SCAPER: variants seen among roughly 807,000 people sequenced by gnomAD.
SCAPER encodes S-phase cyclin A associated protein in the ER.
Under a neutral mutation model 182.2 loss-of-function variants are expected in SCAPER, and 98 were observed. The ratio of observed to expected loss-of-function variants is 0.54; its 90% CI spans 0.46 to 0.64. SCAPER has a LOEUF of 0.64. SCAPER is among the 30% of genes least tolerant of loss of function. The pLI is 0.00. For synonymous variants in SCAPER, 605 were observed against 564.6 expected, an observed-to-expected ratio of 1.07 and a Z score of -1.01; for missense variants, 1,432 against 1,690.0, an observed-to-expected ratio of 0.85 and a Z score of 2.68.
chr15:76,879,696 T>G (rs920903211), intron 2 of SCAPER, among the ~76,000 whole-genome samples: 1 of 152,210 alleles, frequency 6.6e-6, no homozygotes, highest in Admixed American at 6.5e-5. Flanking sequence ...GAAAGCATTC[T>G]AAGAGAGTAT....
intron 20 of SCAPER, among the ~76,000 whole-genome samples, chr15:76,671,348 T>C (rs2057001046): frequency 6.6e-6 from 1 of 151,936 alleles, no homozygotes; most frequent in African/African-American, 2.4e-5. Context: ...TCTGAGAAGA[T>C]GGTGGCAGTG....
chr15:76,774,769 A>T, intron 9 of SCAPER, 86 bp downstream of exon 9: 2 of 1,393,274 alleles, frequency 1.4e-6, no homozygotes, highest in South Asian at 3.1e-5. Context: ...AAGTTAAAAA[A>T]TGAAGTACAA....
chr15:76,651,139 A>C (rs1191898553), intron 21 of SCAPER, among the ~76,000 whole-genome samples: 1 of 152,138 alleles, frequency 6.6e-6, no homozygotes, highest in Non-Finnish European at 1.5e-5. Flanking sequence ...AAGTAAATAC[A>C]AGTAAAAAAT....
chr15:76,816,560 G>A (rs2151617605), intron 5 of SCAPER, among the ~76,000 whole-genome samples: 1 of 152,148 alleles, frequency 6.6e-6, no homozygotes. Context: ...ACCTGCCAAA[G>A]GCTGTTTTAC....
chr15:76,611,286 C>T (rs956873836), intron 22 of SCAPER, among the ~76,000 whole-genome samples: 19 of 151,710 alleles, frequency 1.3e-4, no homozygotes, highest in African/African-American at 4.6e-4. Context: ...ATGTAAGACT[C>T]GAAACTATAA....
At chr15:76,404,708 C>T (rs773780279) in intron 26 of SCAPER, 29 bp from the exon 27 acceptor site, 1 of 1,601,196 alleles carries the variant, frequency 6.2e-7, no homozygotes, top group South Asian at 1.1e-5. Flanking sequence ...TGCATGTTAT[C>T]AATCTGAATA....
intron 26 of SCAPER, among the ~76,000 whole-genome samples, chr15:76,409,256 G>T (rs1285296741): frequency 6.6e-6 from 1 of 152,160 alleles, no homozygotes; most frequent in Non-Finnish European, 1.5e-5. Flanking sequence ...CTTTTGCATT[G>T]TAACTGTTAG....
intron 4 of SCAPER, among the ~76,000 whole-genome samples, chr15:76,853,894 T>C (rs907217388): frequency 6.6e-6 from 1 of 152,218 alleles, no homozygotes; most frequent in African/African-American, 2.4e-5. Flanking sequence ...TGCAGATGAC[T>C]TGATTCTATG....
At position 76,592,779 on chromosome 15, in the gene SCAPER, G is replaced by A. The variant is rs1217031374; in HGVS notation, c.2712-18495C>T. Among the ~76,000 whole-genome samples the A allele has an allele frequency of 2.5e-5, 3 of 121,870 alleles. 1 individual carries two copies. Among genetic ancestry groups the A allele is most frequent in the Non-Finnish European group, 6.0e-5 (3 of 49,962 alleles). 80.0% of individuals were successfully genotyped at this position (121,870 alleles called of 152,430 possible). A position where few individuals can be genotyped will look rare whatever the true frequency, so the allele number is the denominator to read the frequency against. On this transcript the variant is annotated intron_variant, in intron 22 of 31. Coordinates refer to ENST00000563290, the MANE Select transcript of SCAPER (RefSeq NM_020843.4). ...GAGGGACTGTGCCTTGAGGAATGGT[G>A]CACTCCAGCCCAGATACTATGCTTT...
At chr15:76,727,319 A>C (rs553528005) in intron 17 of SCAPER, among the ~76,000 whole-genome samples, 1 of 152,210 alleles carries the variant, frequency 6.6e-6, no homozygotes, top group African/African-American at 2.4e-5. Context: ...AGTCCTAATA[A>C]AAAATAAGGT....
At chr15:76,433,052 C>G (rs2046969585) in intron 26 of SCAPER, among the ~76,000 whole-genome samples, 1 of 152,200 alleles carries the variant, frequency 6.6e-6, no homozygotes, top group African/African-American at 2.4e-5. Flanking sequence ...AATGGGTACT[C>G]TATAAATGGT....
intron 18 of SCAPER, among the ~76,000 whole-genome samples, chr15:76,705,199 T>C (rs529888772): frequency 1.3e-5 from 2 of 150,372 alleles, no homozygotes; most frequent in African/African-American, 2.5e-5. Context: ...ATATATACCA[T>C]GGAATGCTAT....
intron 22 of SCAPER, among the ~76,000 whole-genome samples, chr15:76,587,649 A>C (rs1022516341): frequency 3.9e-5 from 6 of 152,196 alleles, no homozygotes; most frequent in Non-Finnish European, 7.3e-5. Flanking sequence ...GACAGAGTAC[A>C]TGATATAATT....
chr15:76,498,089 C>A (rs573791223), intron 24 of SCAPER, among the ~76,000 whole-genome samples: 63 of 149,486 alleles, frequency 4.2e-4, no homozygotes, highest in Middle Eastern at 3.5e-3. Context: ...CAAGACATTC[C>A]TTTAATGAAG....
chr15:76,783,751 T>C lies in SCAPER; in HGVS notation c.773-8634A>G, dbSNP rs919170378. Among the ~76,000 whole-genome samples the C allele has an allele frequency of 3.9e-5, 6 of 152,118 alleles. No homozygotes were observed. The South Asian group carries it at 1.2e-3, about 32-fold the overall frequency. ...TTCAACATACACAAATCAATAAATGTAATCCATTATATAAACAGAAAAAAA... is the reference window on the plus strand; with the variant it reads ...TTCAACATACACAAATCAATAAATGCAATCCATTATATAAACAGAAAAAAA... On this transcript the variant is annotated intron_variant, in intron 8 of 31. Transcript: ENST00000563290.
intron 14 of SCAPER, among the ~76,000 whole-genome samples, chr15:76,764,427 GT>G (rs2062991815): frequency 6.6e-6 from 1 of 152,258 alleles, no homozygotes; most frequent in African/African-American, 2.4e-5. Flanking sequence ...AGGCATACAT[GT>G]GGCAATGGGG....
At chr15:76,894,024 G>A (rs1172325692) in intron 1 of SCAPER, among the ~76,000 whole-genome samples, 5 of 152,208 alleles carry the variant, frequency 3.3e-5, no homozygotes, top group African/African-American at 1.2e-4. Context: ...GCCGAGGCGG[G>A]CGGATCACCT....
rs548192715 is a variant in SCAPER at position 76,830,852 on chromosome 15, A to G, written c.393+10882T>C. Among the ~76,000 whole-genome samples, 4 of 151,884 alleles carry G rather than the reference A, an allele frequency of 2.6e-5. 1 individual carries two copies. Among genetic ancestry groups the G allele is most frequent in the African/African-American group, 9.7e-5 (4 of 41,392 alleles). ...AGATCTTTGTAAAGAAGGCATTGAG[A>G]GTGGATAGAGGGAGAAGACAGATCC... On this transcript the variant is annotated intron_variant, in intron 5 of 31. Coordinates refer to ENST00000563290, the MANE Select transcript of SCAPER (RefSeq NM_020843.4).
At chr15:76,537,591 G>T (rs1024594301) in intron 23 of SCAPER, among the ~76,000 whole-genome samples, 12 of 152,018 alleles carry the variant, frequency 7.9e-5, no homozygotes, top group Non-Finnish European at 1.6e-4. Flanking sequence ...AGACTTAAAG[G>T]TTAGACCTAA....
Sources: allele counts gnomAD v4.1 joint callset (sites outside exome capture counted in the v4.1 genomes callset), GRCh38; gene constraint gnomAD v4.1.1; transcripts MANE v1.5; gene names NCBI Gene and HGNC (gene_info 2026-07-23, HGNC 2026-07-21).